The following UNC5D variants were observed in gnomAD, a reference collection of about 807,000 sequenced individuals.
UNC5D encodes the protein netrin receptor UNC5D.
UNC5D carries 39 observed loss-of-function variants against 105.4 expected under a neutral mutation model. That is an observed-to-expected ratio of 0.37 (90% confidence interval 0.29 to 0.48). UNC5D has a LOEUF of 0.48. Among genes scored for constraint, UNC5D ranks in the 20% least tolerant of loss-of-function variants. The pLI is 0.98. For synonymous variants in UNC5D, 452 were observed against 450.4 expected (o/e 1.00, Z -0.04); for missense variants, 991 against 1,202.4 (o/e 0.82, Z 2.60).
At chr8:35,358,172 A>G (rs898306973) in intron 1 of UNC5D, among the ~76,000 whole-genome samples, 5 of 152,198 alleles carry the variant, frequency 3.3e-5, no homozygotes, top group Admixed American at 3.3e-4. Context: ...AATATAATTC[A>G]TTCTATTATA....
At chr8:35,449,214 C>T (rs886558679) in intron 1 of UNC5D, among the ~76,000 whole-genome samples, 11 of 152,114 alleles carry the variant, frequency 7.2e-5, no homozygotes, top group Non-Finnish European at 1.5e-5. Context: ...AGGGTGAAGA[C>T]TCAAAAAGCT....
chr8:35,386,391 A>T (rs1479863094), intron 1 of UNC5D, among the ~76,000 whole-genome samples: 1 of 152,230 alleles, frequency 6.6e-6, no homozygotes, highest in African/African-American at 2.4e-5. Flanking sequence ...AGAGCCTGCA[A>T]ATCAATCGGT....
intron 2 of UNC5D, among the ~76,000 whole-genome samples, chr8:35,566,825 G>A (rs2130779104): frequency 6.6e-6 from 1 of 152,322 alleles, no homozygotes; most frequent in Non-Finnish European, 1.5e-5. Context: ...CTATCCTAGA[G>A]CAAAGCACAA....
At chr8:35,572,484 A>G (rs534603478) in intron 3 of UNC5D, among the ~76,000 whole-genome samples, 60 of 152,108 alleles carry the variant, frequency 3.9e-4, no homozygotes, top group Non-Finnish European at 7.1e-4. Flanking sequence ...TTGATTTTAA[A>G]GGGAAATAAT....
At chr8:35,607,422 A>G (rs2130959763) in intron 4 of UNC5D, among the ~76,000 whole-genome samples, 1 of 152,282 alleles carries the variant, frequency 6.6e-6, no homozygotes, top group East Asian at 1.9e-4. Flanking sequence ...TGGGGCTCTG[A>G]AAGAGAAACT....
Position 35,716,028 on chromosome 8 carries a change from C to T in UNC5D, c.1118-6182C>T, listed in dbSNP as rs185124786. ...TGCAAGGAAAGCCTGGGTGAGGTTG[C>T]ATAGCATCAGTTTTTTGATGATGCC... On this transcript the variant is annotated intron_variant, in intron 8 of 16. Coordinates refer to ENST00000404895, the MANE Select transcript of UNC5D (RefSeq NM_080872.4). Among the ~76,000 whole-genome samples the T allele has an allele frequency of 3.3e-5, 5 of 152,214 alleles. No individual in the cohort carries two copies. In the East Asian group the frequency reaches 9.7e-4, roughly 29 times the overall value.
At chr8:35,347,462 A>T (rs1009074050) in intron 1 of UNC5D, among the ~76,000 whole-genome samples, 60 of 152,106 alleles carry the variant, frequency 3.9e-4, no homozygotes, top group African/African-American at 1.3e-3. Flanking sequence ...GCCAGCATGG[A>T]TTCTTTGGGA....
rs1053782880 is a variant in UNC5D, at chr8:35,497,951, C to T, written c.104-51341C>T. Reference sequence around the variant, plus strand: ...AGATGTAGTGGCACATGCCTGTAATCGCAGCTACTCATGAGGCTGAGGCAG... The same window carrying T: ...AGATGTAGTGGCACATGCCTGTAATTGCAGCTACTCATGAGGCTGAGGCAG... On this transcript the variant is annotated intron_variant, in intron 1 of 16. Coordinates refer to ENST00000404895, the MANE Select transcript of UNC5D (RefSeq NM_080872.4). 5.7e-4 allele frequency among the ~76,000 whole-genome samples: 86 copies of T among 151,770 alleles called. 1 individual carries two copies. The highest frequency in any genetic ancestry group is 1.3e-3 in the African/African-American group (54 of 41,296).
intron 4 of UNC5D, among the ~76,000 whole-genome samples, chr8:35,654,839 G>T (rs1823635121): frequency 6.6e-6 from 1 of 152,142 alleles, no homozygotes; most frequent in Non-Finnish European, 1.5e-5. Flanking sequence ...AAAATTAGTT[G>T]TGTGATTTCA....
intron 15 of UNC5D, among the ~76,000 whole-genome samples, chr8:35,773,484 A>C (rs2131736571): frequency 6.6e-6 from 1 of 152,318 alleles, no homozygotes; most frequent in South Asian, 2.1e-4. Flanking sequence ...GGAAGAAAAT[A>C]AAATTAAAGG....
At chr8:35,408,136 T>C (rs1804926348) in intron 1 of UNC5D, among the ~76,000 whole-genome samples, 1 of 152,144 alleles carries the variant, frequency 6.6e-6, no homozygotes, top group Admixed American at 6.6e-5. Flanking sequence ...TAGGCACTTT[T>C]ATGAAAATAT....
intron 1 of UNC5D, among the ~76,000 whole-genome samples, chr8:35,426,443 T>A (rs1806254648): frequency 6.6e-6 from 1 of 152,176 alleles, no homozygotes. Flanking sequence ...CATTTGTGAT[T>A]TCAAAAATAA....
At chr8:35,405,184 A>C (rs1047193634) in intron 1 of UNC5D, among the ~76,000 whole-genome samples, 1 of 152,154 alleles carries the variant, frequency 6.6e-6, no homozygotes, top group Non-Finnish European at 1.5e-5. Context: ...ATGCCCAAAT[A>C]GTGGTAGCTG....
intron 1 of UNC5D, among the ~76,000 whole-genome samples, chr8:35,292,863 T>A (rs1472542138): frequency 1.3e-5 from 2 of 151,778 alleles, no homozygotes; most frequent in African/African-American, 4.8e-5. Flanking sequence ...ATTACAGGCA[T>A]GTGCCACCAC....
At chr8:35,490,939 C>T (rs2130103698) in intron 1 of UNC5D, among the ~76,000 whole-genome samples, 1 of 151,882 alleles carries the variant, frequency 6.6e-6, no homozygotes, top group Middle Eastern at 3.4e-3. Flanking sequence ...ATCCACTCAC[C>T]TATGGAATTC....
At chr8:35,423,134 T>C (rs1436739661) in intron 1 of UNC5D, among the ~76,000 whole-genome samples, 1 of 152,188 alleles carries the variant, frequency 6.6e-6, no homozygotes, top group East Asian at 1.9e-4. Context: ...AGTGGTCAAT[T>C]TTATGACATG....
intron 1 of UNC5D, among the ~76,000 whole-genome samples, chr8:35,363,245 T>C (rs1174077963): frequency 3.3e-5 from 5 of 152,040 alleles, no homozygotes; most frequent in Non-Finnish European, 5.9e-5. Context: ...CTCCAAATCA[T>C]GGTGGAAGGC....
intron 1 of UNC5D, among the ~76,000 whole-genome samples, chr8:35,341,090 T>C (rs1811422689): frequency 6.6e-6 from 1 of 152,158 alleles, no homozygotes; most frequent in African/African-American, 2.4e-5. Context: ...CAATAGCTGA[T>C]GTTGACACAG....
At chr8:35,501,245 C>A (rs548342241) in intron 1 of UNC5D, among the ~76,000 whole-genome samples, 71 of 152,286 alleles carry the variant, frequency 4.7e-4, no homozygotes, top group African/African-American at 1.7e-3. Flanking sequence ...AAAACTTTTC[C>A]AGAGAACTTT....
Sources: gnomAD v4.1 joint callset for allele counts (sites outside exome capture counted in the v4.1 genomes callset) on GRCh38, gnomAD v4.1.1 for gene constraint, MANE v1.5 for transcripts, NCBI Gene and HGNC (gene_info 2026-07-23, HGNC 2026-07-21) for gene names.